Variants in MSI2 observed in about 807,000 individuals in gnomAD.
MSI2 encodes musashi RNA binding protein 2, also known as RNA-binding protein Musashi homolog 2.
Under a neutral mutation model 45.6 loss-of-function variants are expected in MSI2, and 17 were observed. The ratio of observed to expected loss-of-function variants is 0.37; its 90% confidence interval spans 0.26 to 0.56. The LOEUF (loss-of-function observed/expected upper bound fraction) is 0.56, where lower values mean the gene tolerates loss of function less well. MSI2 is among the 20% of genes least tolerant of loss of function. The probability of loss-of-function intolerance (pLI) is 0.77; values close to 1 mark genes in which losing one functional copy is unlikely to be tolerated. For synonymous variants in MSI2, 156 were observed against 158.2 expected, an observed-to-expected ratio of 0.99 and a Z score of 0.11; for missense variants, 293 against 444.2, an observed-to-expected ratio of 0.66 and a Z score of 3.06.
intron 8 of MSI2, among the ~76,000 whole-genome samples, chr17:57,606,834 C>T (rs953529134): frequency 4.6e-5 from 7 of 150,604 alleles, no homozygotes; most frequent in Admixed American, 3.3e-4. Flanking sequence ...GTGAACTAGA[C>T]GCAGATAGGC....
intron 6 of MSI2, among the ~76,000 whole-genome samples, chr17:57,520,697 AG>A (rs1440954244): frequency 6.6e-6 from 1 of 152,182 alleles, no homozygotes; most frequent in African/African-American, 2.4e-5. Context: ...TCTGTCGCCC[AG>A]GCTGGAGTGC....
chr17:57,533,107 C>A (rs1482756528), intron 7 of MSI2, among the ~76,000 whole-genome samples: 1 of 152,204 alleles, frequency 6.6e-6, no homozygotes, highest in African/African-American at 2.4e-5. Flanking sequence ...CACTCCTTGA[C>A]CCCACTGGTC....
rs1905229152 is a variant in MSI2 at position 57,596,150 on chromosome 17, G to A, written c.455-718G>A. Among the ~76,000 whole-genome samples the A allele has an allele frequency of 6.6e-6, 1 of 152,150 alleles. No individual in the cohort carries two copies. Among genetic ancestry groups the A allele is most frequent in the African/African-American group, 2.4e-5 (1 of 41,430 alleles). On this transcript the variant is annotated intron_variant, in intron 7 of 13. Transcript: ENST00000284073. This position sits in a 1 kb window ranked among gnomAD's most constrained non-coding sequence, Gnocchi z 4.6. Reference sequence around the variant, plus strand: ...AGGAGAAGAAAGAAAGGGGCAGGAGGGTAGGAGAGGAACTGAGGATACTGA... The same window carrying A: ...AGGAGAAGAAAGAAAGGGGCAGGAGAGTAGGAGAGGAACTGAGGATACTGA...
chr17:57,439,865 G>A (rs2084764865), intron 6 of MSI2, among the ~76,000 whole-genome samples: 1 of 152,086 alleles, frequency 6.6e-6, no homozygotes, highest in Non-Finnish European at 1.5e-5. Flanking sequence ...AGTGTGTGAG[G>A]GCCAGAGGGG....
chr17:57,523,908 G>C (rs918165183), intron 6 of MSI2, among the ~76,000 whole-genome samples: 2 of 152,162 alleles, frequency 1.3e-5, no homozygotes, highest in Non-Finnish European at 2.9e-5. Flanking sequence ...CCACGTATGA[G>C]TTACCTATGG....
chr17:57,685,271 T>G (rs569616998), downstream of MSI2, among the ~76,000 whole-genome samples: 1 of 152,250 alleles, frequency 6.6e-6, no homozygotes, highest in South Asian at 2.1e-4. Flanking sequence ...TGAGACCCAG[T>G]ACATTGAGGG....
intron 8 of MSI2, among the ~76,000 whole-genome samples, chr17:57,613,068 C>G (rs919054298): frequency 3.9e-5 from 6 of 152,172 alleles, no homozygotes; most frequent in African/African-American, 1.4e-4. Flanking sequence ...TTTCAATCAC[C>G]TTTCCCCCCT....
intron 5 of MSI2, among the ~76,000 whole-genome samples, chr17:57,320,151 C>T (rs749247750): frequency 3.3e-5 from 5 of 152,124 alleles, no homozygotes; most frequent in South Asian, 2.1e-4. Flanking sequence ...GTGTTCCGAT[C>T]GAAAGAAATA....
chr17:57,357,278 C>T (rs1354418183), intron 5 of MSI2, among the ~76,000 whole-genome samples: 3 of 152,168 alleles, frequency 2.0e-5, no homozygotes, highest in African/African-American at 4.8e-5. Context: ...TTCTGGTCTC[C>T]CGAGTGACAG....
At chr17:57,543,034 T>C (rs1405422329) in intron 7 of MSI2, among the ~76,000 whole-genome samples, 1 of 152,220 alleles carries the variant, frequency 6.6e-6, no homozygotes, top group Non-Finnish European at 1.5e-5. Flanking sequence ...GGCACTCACC[T>C]TGGTCTCTGT....
In MSI2 at chr17:57,674,036, C is replaced by T. The variant is rs1025998039; in HGVS notation, c.791-936C>T. Reference sequence around the variant, plus strand: ...TGAGTGTGTGGGTGTCCTGTAGAACCATTGGCTTCCACCCCAGCTCTGGCC... The same window carrying T: ...TGAGTGTGTGGGTGTCCTGTAGAACTATTGGCTTCCACCCCAGCTCTGGCC... On this transcript the variant is annotated intron_variant, in intron 11 of 13. Transcript: ENST00000284073. Among the ~76,000 whole-genome samples the T allele has an allele frequency of 2.6e-5, 4 of 151,386 alleles. No homozygotes were observed. In the South Asian group the frequency reaches 6.3e-4, roughly 24 times the overall value.
intron 5 of MSI2, among the ~76,000 whole-genome samples, chr17:57,302,203 C>T (rs1056156751): frequency 4.6e-5 from 7 of 152,112 alleles, no homozygotes; most frequent in South Asian, 2.1e-4. Flanking sequence ...TCAGGGTCAT[C>T]GAGACATCTG....
chr17:57,512,234 T>C (rs1375931084), intron 6 of MSI2, among the ~76,000 whole-genome samples: 3 of 152,206 alleles, frequency 2.0e-5, no homozygotes, highest in Non-Finnish European at 4.4e-5. Context: ...TTAAAAAGTC[T>C]TTGGGCCTAA....
chr17:57,621,204 A>C (rs1458001313), intron 9 of MSI2, among the ~76,000 whole-genome samples: 2 of 152,330 alleles, frequency 1.3e-5, no homozygotes, highest in African/African-American at 4.8e-5. Flanking sequence ...CACCATCTCC[A>C]CCGAGCACTA....
intron 6 of MSI2, among the ~76,000 whole-genome samples, chr17:57,413,368 C>T (rs1215811739): frequency 6.7e-6 from 1 of 149,898 alleles, no homozygotes; most frequent in East Asian, 1.9e-4. Flanking sequence ...CATCCGGCTA[C>T]CCCGCTGCTT....
intron 5 of MSI2, among the ~76,000 whole-genome samples, chr17:57,290,738 A>C (rs558726240): frequency 6.6e-6 from 1 of 152,338 alleles, no homozygotes; most frequent in Admixed American, 6.5e-5. Context: ...TCGGTGTCTC[A>C]GTCTTGGGGC....
chr17:57,574,761 T>C (rs57440525), intron 7 of MSI2, among the ~76,000 whole-genome samples: 20,581 of 152,042 alleles, frequency 0.14, 1,502 homozygotes, highest in Middle Eastern at 0.23. Flanking sequence ...TCATCAGTCT[T>C]AAGAGATGAG....
rs1413644478 is a variant in MSI2, at chr17:57,355,673, T to C, written c.313-45706T>C. ...TGAGGGTTGGGCCAAACCCCCTCCC[T>C]TGTTCTGGCAATGCTATTTTGAGAG... On this transcript the variant is annotated intron_variant, in intron 5 of 13. Transcript: ENST00000284073. Among the ~76,000 whole-genome samples the C allele has an allele frequency of 4.6e-5, 7 of 152,270 alleles. No individual in the cohort carries two copies. In the East Asian group the frequency reaches 1.4e-3, roughly 29 times the overall value.
intron 11 of MSI2, among the ~76,000 whole-genome samples, chr17:57,659,809 C>T (rs532183603): frequency 2.1e-4 from 32 of 152,274 alleles, no homozygotes; most frequent in Non-Finnish European, 3.8e-4. Flanking sequence ...ATAGGCCAAG[C>T]GCTCAGTCTC....
Sources: gnomAD v4.1 joint callset for allele counts (sites outside exome capture counted in the v4.1 genomes callset) on GRCh38, gnomAD v4.1.1 for gene constraint, Gnocchi (gnomAD v3.1) non-coding constraint, MANE v1.5 for transcripts, NCBI Gene and HGNC (gene_info 2026-07-23, HGNC 2026-07-21) for gene names.